The following CUL7 variants were observed in gnomAD, a reference collection of about 807,000 sequenced individuals.
CUL7 encodes cullin-7.
CUL7 carries 96 observed loss-of-function variants against 177.7 expected under a neutral mutation model. That is an observed-to-expected ratio of 0.54 (90% confidence interval 0.46 to 0.64). The LOEUF (loss-of-function observed/expected upper bound fraction) is 0.64, where lower values mean the gene tolerates loss of function less well. Among genes scored for constraint, CUL7 ranks in the 30% least tolerant of loss-of-function variants. The pLI is 0.00. For missense variants in CUL7, 1,893 were observed against 2,187.9 expected, an observed-to-expected ratio of 0.87 and a Z score of 2.69; for synonymous variants, 824 against 890.2, an observed-to-expected ratio of 0.93 and a Z score of 1.32.
At position 43,050,837 on chromosome 6, in the gene CUL7, T is replaced by A; in HGVS notation, c.1233+131A>T. ...TGGCCCCCCTCTCAACTACTGACTCTTTTCACCATTCCAATCTTACCTAAA... is the reference window on the plus strand; with the variant it reads ...TGGCCCCCCTCTCAACTACTGACTCATTTCACCATTCCAATCTTACCTAAA... On this transcript the variant is annotated intron_variant, in intron 4 of 25. Coordinates refer to ENST00000265348, the MANE Select transcript of CUL7 (RefSeq NM_014780.5). This position sits in a 1 kb window ranked among gnomAD's most constrained non-coding sequence, Gnocchi z 4.1. 2 of 1,226,324 alleles carry A rather than the reference T, an allele frequency of 1.6e-6. No homozygotes were observed. The highest frequency in any genetic ancestry group is 2.8e-4 in the Middle Eastern group (1 of 3,544). The allele number at this position is 1,226,324 out of a possible 1,614,324, so 76.0% of individuals were successfully genotyped here. A position where few individuals can be genotyped will look rare whatever the true frequency, so the allele number is the denominator to read the frequency against.
At chr6:43,039,702 CAAAAATT>C in intron 22 of CUL7, among the ~76,000 whole-genome samples, 1 of 142,560 alleles carries the variant, frequency 7.0e-6, no homozygotes, top group East Asian at 2.1e-4. Context: ...TCTATAAAAA[CAAAAATT>C]AAAAATGTAA....
chr6:43,041,177 C>CA, intron 19 of CUL7, 102 bp from the exon 20 acceptor site: 2 of 1,144,428 alleles, frequency 1.7e-6, no homozygotes, highest in African/African-American at 1.5e-5. Flanking sequence ...ATGCTGGCAG[C>CA]TTTCTAAGGT....
At chr6:43,039,139 G>C (rs760789869) in intron 22 of CUL7, 152 bp from the exon 23 acceptor site, 1 of 652,744 alleles carries the variant, frequency 1.5e-6, no homozygotes, top group African/African-American at 1.8e-5. Flanking sequence ...TGAGCTTCCA[G>C]ATCTCAGCCT....
intron 22 of CUL7, among the ~76,000 whole-genome samples, chr6:43,039,871 T>C (rs1679898280): frequency 6.6e-6 from 1 of 151,620 alleles, no homozygotes; most frequent in African/African-American, 2.4e-5. Context: ...CCCGAGTAGC[T>C]GGGACTACAG....
At chr6:43,048,962 C>T (rs1330096940) in intron 7 of CUL7, among the ~76,000 whole-genome samples, 8 of 151,464 alleles carry the variant, frequency 5.3e-5, no homozygotes, top group African/African-American at 1.5e-4. Flanking sequence ...TTAGTAGAGA[C>T]GGGGTTTCAC....
At position 43,052,422 on chromosome 6, in the gene CUL7, G is replaced by A. The variant is rs776538724; in HGVS notation, c.367C>T (p.Arg123Trp). ...DVKSLIQRAL[R>W]QLEECVGTIP... ...GTGCCCACACACTCCTCCAGCTGCCGAAGGGCTCTCTGAATGAGGGACTTC... is the reference window on the plus strand; with the variant it reads ...GTGCCCACACACTCCTCCAGCTGCCAAAGGGCTCTCTGAATGAGGGACTTC... The change falls in exon 2 of 26, where the codon CGG becomes TGG. Residue 123 changes from arginine to tryptophan, a missense_variant. Physicochemically the swap from Arg to Trp is moderately radical, Grantham distance 101 (BLOSUM62 -3). Around this residue, in one of 5 missense-constraint regions of CUL7, gnomAD observed 653 missense variants for 725.2 expected, o/e 0.90. Coordinates refer to ENST00000265348, the MANE Select transcript of CUL7 (RefSeq NM_014780.5). The surrounding 1 kb of genome is among the most constrained non-coding windows in gnomAD (Gnocchi z 4.5). 6.2e-7 allele frequency: 1 copy of A among 1,614,070 alleles called. No homozygotes were observed. Among genetic ancestry groups the A allele is most frequent in the Non-Finnish European group, 8.5e-7 (1 of 1,179,906 alleles).
Position 43,050,493 on chromosome 6 carries a change from C to T in CUL7, c.1234-95G>A. The T allele has an allele frequency of 1.4e-6, 2 of 1,460,474 alleles. No individual in the cohort carries two copies. Among genetic ancestry groups the T allele is most frequent in the South Asian group, 2.3e-5 (2 of 87,278 alleles). The allele number at this position is 1,460,474 out of a possible 1,614,324, so 90.5% of individuals were successfully genotyped here. On this transcript the variant is annotated intron_variant, in intron 4 of 25. Transcript: ENST00000265348. The surrounding 1 kb of genome is among the most constrained non-coding windows in gnomAD (Gnocchi z 4.1). ...TGAGGACTATAGCCCTCAGGGTGACCACCTGGCCAGGTTTTAGAAAAACCT... is the reference window on the plus strand; with the variant it reads ...TGAGGACTATAGCCCTCAGGGTGACTACCTGGCCAGGTTTTAGAAAAACCT...
Position 43,045,524 on chromosome 6 carries a change from T to C in CUL7, c.2862+63A>G. On this transcript the variant is annotated intron_variant, in intron 14 of 25. Coordinates refer to ENST00000265348, the MANE Select transcript of CUL7 (RefSeq NM_014780.5). This position sits in a 1 kb window ranked among gnomAD's most constrained non-coding sequence, Gnocchi z 4.8. ...CCCAGGCTGGTCCTCTGGCTTAAGATCTGCCTGTTTATGGGGCTCAGAGCC... is the reference window on the plus strand; with the variant it reads ...CCCAGGCTGGTCCTCTGGCTTAAGACCTGCCTGTTTATGGGGCTCAGAGCC... 6.2e-7 allele frequency: 1 copy of C among 1,613,384 alleles called. No individual in the cohort carries two copies. Among genetic ancestry groups the C allele is most frequent in the Non-Finnish European group, 8.5e-7 (1 of 1,179,434 alleles).
rs58059598 is a variant in CUL7, at chr6:43,050,549, TAC to T, written c.1234-153_1234-152del. The T allele has an allele frequency of 0.11, 46,166 of 409,144 alleles. 2,183 individuals carry two copies. Among genetic ancestry groups the T allele is most frequent in the Non-Finnish European group, 0.13 (28,294 of 212,648 alleles). 25.3% of individuals were successfully genotyped at this position (409,144 alleles called of 1,614,324 possible). On this transcript the variant is annotated intron_variant, in intron 4 of 25. Transcript: ENST00000265348. This position sits in a 1 kb window ranked among gnomAD's most constrained non-coding sequence, Gnocchi z 4.1. ...TAACAAAACAGCAGCATATGGAGAA[TAC>T]ACACACACACACACACACACACACA...
Position 43,052,242 on chromosome 6 carries a change from G to C in CUL7, c.547C>G (p.Arg183Gly), listed in dbSNP as rs754739961. 3.1e-6 allele frequency: 5 copies of C among 1,614,058 alleles called. No homozygotes were observed. The highest frequency in any genetic ancestry group is 1.1e-5 in the South Asian group (1 of 91,090). ...TGGGAGGACAGGGCTTGTATCATCC[G>C]GCCTGCACTCCAGCGAATCTGATAA... ...PDYQIRWSAG[R>G]MIQALSSHDA... Residue 183 changes from arginine (R) to glycine (G), a missense_variant, in exon 2 of 26, where the codon CGG becomes GGG. Transcript: ENST00000265348. This position sits in a 1 kb window ranked among gnomAD's most constrained non-coding sequence, Gnocchi z 4.5.
Position 43,048,520 on chromosome 6 carries a change from C to T in CUL7, c.1875G>A (p.Val625=). 1.9e-6 allele frequency: 3 copies of T among 1,614,150 alleles called. No homozygotes were observed. The highest frequency in any genetic ancestry group is 1.1e-5 in the South Asian group (1 of 91,084). The change falls in exon 8 of 26, where the codon GTG becomes GTA. Residue 625 remains valine, a synonymous_variant. Transcript: ENST00000265348. The part of the protein sequence containing the change: ...QSPNTPLQRL[V]EGYGPAGKIL... ...TTTTCCCAGCTGGACCATAACCCTCCACCAGACGCTGCAGGGGAGTGTTGG... is the reference window on the plus strand; with the variant it reads ...TTTTCCCAGCTGGACCATAACCCTCTACCAGACGCTGCAGGGGAGTGTTGG...
rs746094795 is a variant in CUL7 at position 43,037,966 on chromosome 6, C to T, written c.4819G>A (p.Val1607Ile). ...GCAGACCCCTTACCAAGGCTGCTGACCAAACCCCTGGGAGGACACGGGCCC... is the reference window on the plus strand; with the variant it reads ...GCAGACCCCTTACCAAGGCTGCTGATCAAACCCCTGGGAGGACACGGGCCC... Reference protein sequence around the residue: ...QKGPCPPRGLVSSLGKGSACS... With the variant: ...QKGPCPPRGLISSLGKGSACS... Residue 1607 changes from valine (V) to isoleucine (I), a missense_variant, in exon 26 of 26, where the codon GTC becomes ATC. This residue lies in a region of CUL7 where 248 missense variants were observed against 262.5 expected (regional missense o/e 0.94). Coordinates refer to ENST00000265348, the MANE Select transcript of CUL7 (RefSeq NM_014780.5). 16 of 1,596,344 alleles carry T rather than the reference C, an allele frequency of 1.0e-5. No individual in the cohort carries two copies. In the East Asian group the frequency reaches 3.4e-4, roughly 34 times the overall value.
chr6:43,052,188 C>T lies in CUL7; in HGVS notation c.580+21G>A. ...CCCAGCCCTTCTCCTGCTTTCCCTT[C>T]CTCCCCACACTGCCCCTCACCAGCG... On this transcript the variant is annotated intron_variant, in intron 2 of 25. Coordinates refer to ENST00000265348, the MANE Select transcript of CUL7 (RefSeq NM_014780.5). This position sits in a 1 kb window ranked among gnomAD's most constrained non-coding sequence, Gnocchi z 4.5. 1 of 1,613,974 alleles carries T rather than the reference C, an allele frequency of 6.2e-7. No homozygotes were observed. Among genetic ancestry groups the T allele is most frequent in the Non-Finnish European group, 8.5e-7 (1 of 1,179,946 alleles).
chr6:43,043,050 T>C lies in CUL7; in HGVS notation c.3462+24A>G. ...TGCCACCATTATGGTGTCCCCTCTC[T>C]CCCGCAGGCCTGCTCCTGCCCACCT... is the stretch of plus-strand genomic sequence containing the variant. On this transcript the variant is annotated intron_variant, in intron 18 of 25. Transcript: ENST00000265348. The surrounding 1 kb of genome is among the most constrained non-coding windows in gnomAD (Gnocchi z 4.2). 10 of 1,613,312 alleles carry C rather than the reference T, an allele frequency of 6.2e-6. No homozygotes were observed. Among genetic ancestry groups the C allele is most frequent in the Non-Finnish European group, 8.5e-6 (10 of 1,179,332 alleles).
intron 19 of CUL7, 49 bp downstream of exon 19, chr6:43,042,753 G>C: frequency 1.6e-6 from 2 of 1,249,614 alleles, no homozygotes; most frequent in Non-Finnish European, 2.3e-6. Flanking sequence ...GTGAGGAAGG[G>C]AGAGTTTGTC....
Position 43,052,815 on chromosome 6 carries a change from A to G in CUL7, c.-8-19T>C, listed in dbSNP as rs750787034. The G allele has an allele frequency of 6.3e-7, 1 of 1,598,782 alleles. No individual in the cohort carries two copies. Among genetic ancestry groups the G allele is most frequent in the African/African-American group, 1.3e-5 (1 of 74,888 alleles). On this transcript the variant is annotated intron_variant, in intron 1 of 25. Transcript: ENST00000265348. The surrounding 1 kb of genome is among the most constrained non-coding windows in gnomAD (Gnocchi z 4.5). ...CTGGCACCTGGAGCACACAAGGAAAAGAGAACAGACAAGCTAGAGGAAGGA... is the reference window on the plus strand; with the variant it reads ...CTGGCACCTGGAGCACACAAGGAAAGGAGAACAGACAAGCTAGAGGAAGGA...
At position 43,041,092 on chromosome 6, in the gene CUL7, CA is replaced by C; in HGVS notation, c.3646-18del. The stretch of plus-strand genomic sequence containing the variant: ...CTCACTCACCTGAGCAATGGCAGAG[CA>C]CAGGAAAGCCATGAATGAGCGAGCA... On this transcript the variant is annotated intron_variant, in intron 19 of 25. Transcript: ENST00000265348. 6.2e-7 allele frequency: 1 copy of C among 1,613,154 alleles called. No homozygotes were observed. Among genetic ancestry groups the C allele is most frequent in the Non-Finnish European group, 8.5e-7 (1 of 1,179,676 alleles).
At chr6:43,047,908 A>T (rs368017661) in intron 9 of CUL7, 319 of 559,978 alleles carry the variant, frequency 5.7e-4, no homozygotes, top group African/African-American at 4.2e-3. Context: ...CCCTGGGGGA[A>T]CAGAGATTTG....
chr6:43,042,668 C>G, intron 19 of CUL7, 134 bp downstream of exon 19: 3 of 677,084 alleles, frequency 4.4e-6, no homozygotes, highest in Non-Finnish European at 7.7e-6. Flanking sequence ...ATTTTTTAAA[C>G]TTCTTATAAC....
Sources: gnomAD v4.1 joint callset for allele counts (sites outside exome capture counted in the v4.1 genomes callset) on GRCh38, gnomAD v4.1.1 for gene constraint, gnomAD v4.1.1 regional missense constraint, Gnocchi (gnomAD v3.1) non-coding constraint, MANE v1.5 for transcripts, NCBI Gene and HGNC (gene_info 2026-07-23, HGNC 2026-07-21) for gene names.